Variants in LRPPRC observed in about 807,000 individuals in gnomAD.
The protein encoded by LRPPRC is leucine-rich PPR motif-containing protein, mitochondrial.
Under a neutral mutation model 180.3 loss-of-function variants are expected in LRPPRC, and 120 were observed. The observed-to-expected ratio is 0.67, with a 90% CI of 0.57 to 0.77. The LOEUF (loss-of-function observed/expected upper bound fraction) is 0.77. Among genes scored for constraint, LRPPRC ranks in the 30% least tolerant of loss-of-function variants. The pLI is 0.00. For synonymous variants in LRPPRC, 723 were observed against 600.0 expected (o/e 1.21, Z -3.00); for missense variants, 2,012 against 1,657.2 (o/e 1.21, Z -3.72).
At chr2:43,996,118 G>A (rs1179262220), upstream of LRPPRC, 6 of 577,054 alleles carry the variant, frequency 1.0e-5, no homozygotes, top group South Asian at 1.0e-4. Context: ...TCCGAGGACA[G>A]AAGACCCAAT....
At chr2:43,984,340 A>C (rs920595621) in intron 1 of LRPPRC, among the ~76,000 whole-genome samples, 1 of 152,230 alleles carries the variant, frequency 6.6e-6, no homozygotes, top group African/African-American at 2.4e-5. Flanking sequence ...TAAAGAGCAA[A>C]AATAAAACTT....
chr2:43,947,602 T>G (rs891292144), intron 19 of LRPPRC, 129 bp downstream of exon 19: 26 of 701,616 alleles, frequency 3.7e-5, no homozygotes, highest in Non-Finnish European at 5.1e-5. Context: ...GAACAGGTTT[T>G]ACCAACTTCT....
At position 43,888,651 on chromosome 2, in the gene LRPPRC, G is replaced by T; in HGVS notation, c.4134C>A (p.Ser1378Arg). 1 of 1,589,614 alleles carries T rather than the reference G, an allele frequency of 6.3e-7. No homozygotes were observed. The highest frequency in any genetic ancestry group is 8.6e-7 in the Non-Finnish European group (1 of 1,158,010). The stretch of plus-strand genomic sequence containing the variant: ...TTAGCTGCTGTGCATAAAATTCAAA[G>T]CTTTCCTGTTAAGGAGAAAAAAAGA... ...EPVPFIEPPE[S>R]FEFYAQQLRK... The change falls in exon 38 of 38, where the codon AGC becomes AGA. Residue 1378 changes from serine to arginine, a missense_variant. Physicochemically the swap from Ser to Arg is moderately radical, Grantham distance 110. Transcript: ENST00000260665.
At chr2:43,896,391 G>T (rs1446188979) in intron 35 of LRPPRC, 2 of 395,514 alleles carry the variant, frequency 5.1e-6, no homozygotes, top group Non-Finnish European at 9.4e-6. Context: ...TTTTTTAAGG[G>T]CCTTTTCTTG....
intron 12 of LRPPRC, among the ~76,000 whole-genome samples, chr2:43,961,709 C>T (rs1673353789): frequency 6.6e-6 from 1 of 152,168 alleles, no homozygotes; most frequent in African/African-American, 2.4e-5. Flanking sequence ...ACCTGCAATG[C>T]CAGCATTTTG....
intron 16 of LRPPRC, among the ~76,000 whole-genome samples, chr2:43,948,804 G>A (rs1672791553): frequency 6.6e-6 from 1 of 151,828 alleles, no homozygotes. Flanking sequence ...AAGTGGTCCT[G>A]CCCAAGGCCT....
intron 23 of LRPPRC, among the ~76,000 whole-genome samples, chr2:43,936,660 A>T (rs1672289008): frequency 6.6e-6 from 1 of 152,248 alleles, no homozygotes; most frequent in South Asian, 2.1e-4. Flanking sequence ...TATTGCAATA[A>T]TAGTGACACA....
intron 14 of LRPPRC, among the ~76,000 whole-genome samples, chr2:43,954,631 G>A (rs879703231): frequency 6.6e-6 from 1 of 152,082 alleles, no homozygotes; most frequent in East Asian, 1.9e-4. Context: ...CCACTGAGGG[G>A]GGATAAACTA....
chr2:43,926,907 C>T (rs995666510), intron 25 of LRPPRC, among the ~76,000 whole-genome samples: 1 of 152,158 alleles, frequency 6.6e-6, no homozygotes, highest in African/African-American at 2.4e-5. Flanking sequence ...AAGCTAAGTA[C>T]TTTAAAATTG....
intron 13 of LRPPRC, chr2:43,959,226 T>G (rs769898779): frequency 1.4e-6 from 1 of 715,964 alleles, no homozygotes; most frequent in South Asian, 1.5e-5. Context: ...AAAATCTATA[T>G]AGTATACAGA....
At chr2:43,983,467 A>C (rs1050635037) in intron 1 of LRPPRC, among the ~76,000 whole-genome samples, 7 of 152,296 alleles carry the variant, frequency 4.6e-5, no homozygotes, top group Admixed American at 3.9e-4. Context: ...TAAAAATATC[A>C]GATAAAAAAT....
intron 3 of LRPPRC, among the ~76,000 whole-genome samples, chr2:43,978,807 T>C (rs1674172170): frequency 6.6e-6 from 1 of 152,060 alleles, no homozygotes. Context: ...AAATATTTTA[T>C]TTATCTGTAG....
At position 43,951,758 on chromosome 2, in the gene LRPPRC, T is replaced by A. The variant is rs552853759; in HGVS notation, c.1650-1158A>T. Among the ~76,000 whole-genome samples, 6 of 152,322 alleles carry A rather than the reference T, an allele frequency of 3.9e-5. No homozygotes were observed. In the East Asian group the frequency reaches 1.2e-3, roughly 29 times the overall value. On this transcript the variant is annotated intron_variant, in intron 14 of 37. Transcript: ENST00000260665. The stretch of plus-strand genomic sequence containing the variant: ...GTTTAAAAATTCCAAAATAAAAAAA[T>A]AAACACATACCATGTCCAGTCTAAA...
chr2:43,961,633 A>T (rs904758975), intron 12 of LRPPRC, among the ~76,000 whole-genome samples: 3 of 152,196 alleles, frequency 2.0e-5, no homozygotes, highest in Non-Finnish European at 4.4e-5. Flanking sequence ...AAACTAATTT[A>T]AAAATGTACT....
chr2:43,947,963 A>G (rs1191886873), intron 18 of LRPPRC, among the ~76,000 whole-genome samples, 159 bp downstream of exon 18: 1 of 152,144 alleles, frequency 6.6e-6, no homozygotes, highest in Non-Finnish European at 1.5e-5. Flanking sequence ...TGAATATATA[A>G]ATAGTATTTA....
intron 25 of LRPPRC, among the ~76,000 whole-genome samples, chr2:43,933,272 TAC>T (rs1050868106): frequency 1.3e-5 from 2 of 152,114 alleles, no homozygotes; most frequent in African/African-American, 2.4e-5. Flanking sequence ...AGGAAAAAAA[TAC>T]AGTTTTCTGG....
intron 35 of LRPPRC, among the ~76,000 whole-genome samples, chr2:43,895,658 T>C (rs773730070): frequency 2.5e-4 from 38 of 152,314 alleles, no homozygotes; most frequent in Admixed American, 1.8e-3. Context: ...GCAAATTTTT[T>C]AAAAGTGTAG....
chr2:43,992,997 G>A (rs749252972), intron 1 of LRPPRC, among the ~76,000 whole-genome samples: 2 of 152,098 alleles, frequency 1.3e-5, no homozygotes, highest in Non-Finnish European at 2.9e-5. Context: ...AAACTACCAA[G>A]AACATCAGCA....
intron 31 of LRPPRC, chr2:43,902,205 G>C (rs1242853123): frequency 2.0e-5 from 3 of 152,210 alleles, no homozygotes; most frequent in Non-Finnish European, 4.4e-5. Flanking sequence ...AGGAGCATCA[G>C]TATAATCAAT....
Sources: allele counts gnomAD v4.1 joint callset (sites outside exome capture counted in the v4.1 genomes callset), GRCh38; gene constraint gnomAD v4.1.1; transcripts MANE v1.5; gene names NCBI Gene and HGNC (gene_info 2026-07-23, HGNC 2026-07-21).